Variants in SLIT3 observed in about 807,000 individuals in gnomAD.
The protein encoded by SLIT3 is slit guidance ligand 3.
SLIT3 carries 68 observed loss-of-function variants against 184.0 expected under a neutral mutation model. The observed-to-expected ratio is 0.37, with a 90% CI of 0.30 to 0.45. The LOEUF is 0.45. SLIT3 is among the 20% of genes least tolerant of loss of function. The pLI, the probability that SLIT3 is intolerant of heterozygous loss-of-function variation, is 1.00. For synonymous variants in SLIT3, 831 were observed against 828.6 expected (o/e 1.00, Z -0.05); for missense variants, 1,707 against 2,026.0 (o/e 0.84, Z 3.02).
intron 27 of SLIT3, among the ~76,000 whole-genome samples, chr5:168,699,008 C>T (rs1387789748): frequency 6.6e-6 from 1 of 152,238 alleles, no homozygotes; most frequent in East Asian, 1.9e-4. Context: ...CCCCCCAATC[C>T]CTCGCCTGGG....
At chr5:168,753,597 T>C (rs1457884990) in intron 17 of SLIT3, among the ~76,000 whole-genome samples, 2 of 152,336 alleles carry the variant, frequency 1.3e-5, no homozygotes, top group South Asian at 2.1e-4. Context: ...GGTATAAATC[T>C]ATATACGTGT....
intron 1 of SLIT3, among the ~76,000 whole-genome samples, chr5:169,257,068 T>C (rs1039537229): frequency 1.3e-5 from 2 of 152,054 alleles, no homozygotes; most frequent in African/African-American, 4.8e-5. Context: ...TGAATGATAA[T>C]CGTGGACAAC....
At chr5:169,285,625 T>C (rs1003534602) in intron 1 of SLIT3, among the ~76,000 whole-genome samples, 5 of 152,340 alleles carry the variant, frequency 3.3e-5, no homozygotes, top group African/African-American at 7.2e-5. Flanking sequence ...TTCTGAGTTG[T>C]TCTGAGTTGC....
At chr5:168,947,693 A>T (rs548795761) in intron 4 of SLIT3, among the ~76,000 whole-genome samples, 1 of 152,314 alleles carries the variant, frequency 6.6e-6, no homozygotes, top group South Asian at 2.1e-4. Flanking sequence ...TGTGCCCCAC[A>T]TGCAGGGCCT....
At chr5:169,132,026 A>G (rs1049597238) in intron 4 of SLIT3, among the ~76,000 whole-genome samples, 1 of 152,184 alleles carries the variant, frequency 6.6e-6, no homozygotes, top group Non-Finnish European at 1.5e-5. Context: ...ACCATCCTAG[A>G]AGAGCCACAT....
intron 4 of SLIT3, among the ~76,000 whole-genome samples, chr5:169,023,348 G>T (rs974587082): frequency 3.9e-5 from 6 of 152,070 alleles, no homozygotes; most frequent in African/African-American, 1.4e-4. Context: ...TTGTCTGTGT[G>T]TAGAAATTTT....
chr5:168,783,091 T>A (rs1423093565), intron 12 of SLIT3, among the ~76,000 whole-genome samples: 1 of 151,832 alleles, frequency 6.6e-6, no homozygotes. Context: ...AGAGCGTGCA[T>A]GAGAGGGATT....
At chr5:168,897,647 T>TGCGCGCACAC (rs3223457) in intron 4 of SLIT3, among the ~76,000 whole-genome samples, 1 of 141,414 alleles carries the variant, frequency 7.1e-6, no homozygotes, top group African/African-American at 2.6e-5. Context: ...CAGGTGCACG[T>TGCGCGCACAC]ACACACACAC....
At chr5:168,697,741 G>A (rs1762103305) in intron 27 of SLIT3, among the ~76,000 whole-genome samples, 1 of 152,148 alleles carries the variant, frequency 6.6e-6, no homozygotes. Context: ...CAGCTCTTGG[G>A]GTACAGCAAA....
At chr5:169,288,365 A>T (rs57148884) in intron 1 of SLIT3, among the ~76,000 whole-genome samples, 1 of 137,084 alleles carries the variant, frequency 7.3e-6, no homozygotes, top group Non-Finnish European at 1.6e-5. Context: ...GTTTTTTTTT[A>T]ATTCCACTTG....
chr5:168,873,466 C>CAA (rs35719669), intron 5 of SLIT3, among the ~76,000 whole-genome samples: 3 of 130,006 alleles, frequency 2.3e-5, no homozygotes, highest in Admixed American at 7.7e-5. Context: ...CCTGTCTCTA[C>CAA]AAAAAAAAAA....
At chr5:168,818,725 G>A (rs1019946813) in intron 7 of SLIT3, among the ~76,000 whole-genome samples, 2 of 152,218 alleles carry the variant, frequency 1.3e-5, no homozygotes, top group African/African-American at 4.8e-5. Context: ...GAGAGCTGAA[G>A]GGCTCTTGAC....
At chr5:168,863,749 G>A (rs1410945078) in intron 5 of SLIT3, among the ~76,000 whole-genome samples, 2 of 152,136 alleles carry the variant, frequency 1.3e-5, no homozygotes, top group Non-Finnish European at 2.9e-5. Context: ...TCATAAAATT[G>A]TTTTATGTTA....
chr5:169,014,555 G>T (rs939693512), intron 4 of SLIT3, among the ~76,000 whole-genome samples: 1 of 152,182 alleles, frequency 6.6e-6, no homozygotes, highest in African/African-American at 2.4e-5. Flanking sequence ...ACTTTCCTTC[G>T]CTCCTCTGAG....
chr5:168,812,764 T>C (rs964691916), intron 8 of SLIT3, among the ~76,000 whole-genome samples: 2 of 152,160 alleles, frequency 1.3e-5, no homozygotes, highest in African/African-American at 4.8e-5. Flanking sequence ...AATGGCTAAA[T>C]AAAGCTAATA....
intron 4 of SLIT3, among the ~76,000 whole-genome samples, chr5:168,956,712 GA>G (rs1279015604): frequency 6.6e-6 from 1 of 152,062 alleles, no homozygotes; most frequent in East Asian, 1.9e-4. Flanking sequence ...AGAATCACTT[GA>G]ACCCAGGAGG....
rs561069864 is a variant in SLIT3, at chr5:168,795,695, C to T, written c.936-117G>A. The T allele has an allele frequency of 3.9e-4, 317 of 812,748 alleles. 1 individual carries two copies. The African/African-American group carries it at 4.2e-3, about 11-fold the overall frequency. The allele number at this position is 812,748 out of a possible 1,614,324, so 50.3% of individuals were successfully genotyped here. ...GGAGGTCTTTTTTGTCACAGGTGCA[C>T]GGTCTGGTTGTGGCAGACCAGACAA... On this transcript the variant is annotated intron_variant, in intron 9 of 35. Transcript: ENST00000519560.
intron 4 of SLIT3, among the ~76,000 whole-genome samples, chr5:169,034,912 AGTGTGTGTGTGTGTGTGTGTGT>A (rs112102059): frequency 2.1e-4 from 28 of 132,418 alleles, no homozygotes; most frequent in Admixed American, 6.1e-4. Flanking sequence ...ACGCCCAGCT[AGTGTGTGTGTGTGTGTGTGTGT>A]GTGTGTGTGT....
intron 4 of SLIT3, chr5:169,120,094 A>G (rs1037872611): frequency 2.6e-5 from 4 of 152,256 alleles, no homozygotes; most frequent in Non-Finnish European, 4.4e-5. Flanking sequence ...TATCTTCTTA[A>G]GTAGGAATAT....
Sources: gnomAD v4.1 joint callset for allele counts (sites outside exome capture counted in the v4.1 genomes callset) on GRCh38, gnomAD v4.1.1 for gene constraint, MANE v1.5 for transcripts, NCBI Gene and HGNC (gene_info 2026-07-23, HGNC 2026-07-21) for gene names.